Variants in TENM2 observed in about 807,000 individuals in gnomAD.
The protein encoded by TENM2 is teneurin-2.
Under a neutral mutation model 245.2 loss-of-function variants are expected in TENM2, and 52 were observed. The ratio of observed to expected loss-of-function variants is 0.21; its 90% CI spans 0.17 to 0.27. The LOEUF (loss-of-function observed/expected upper bound fraction) is 0.27. Ranked by LOEUF, TENM2 falls within the 10% of genes least tolerant of loss-of-function variation. TENM2 has a pLI of 1.00. For synonymous variants in TENM2, 1,363 were observed against 1,438.9 expected (o/e 0.95, Z 1.19); for missense variants, 3,046 against 3,666.8 (o/e 0.83, Z 4.37).
intron 2 of TENM2, among the ~76,000 whole-genome samples, chr5:167,528,032 A>T (rs1771237925): frequency 6.6e-6 from 1 of 152,218 alleles, no homozygotes; most frequent in African/African-American, 2.4e-5. Context: ...CTTACAAGGT[A>T]TTCAGTATTT....
intron 1 of TENM2, among the ~76,000 whole-genome samples, chr5:167,305,803 A>T (rs2127743954): frequency 6.6e-6 from 1 of 152,342 alleles, no homozygotes; most frequent in Non-Finnish European, 1.5e-5. Flanking sequence ...CCCTGCATTG[A>T]GTACGTCATT....
chr5:167,759,408 A>G (rs746770372), intron 2 of TENM2, among the ~76,000 whole-genome samples: 5 of 152,126 alleles, frequency 3.3e-5, no homozygotes, highest in Non-Finnish European at 7.3e-5. Context: ...CATTCTGTAC[A>G]TGGAAACATT....
At chr5:168,120,018 A>G (rs2152338973) in intron 10 of TENM2, among the ~76,000 whole-genome samples, 1 of 152,304 alleles carries the variant, frequency 6.6e-6, no homozygotes, top group South Asian at 2.1e-4. Flanking sequence ...ATAACCAATC[A>G]TCACAGCTCT....
chr5:167,087,698 G>C, the TENM2 span, among the ~76,000 whole-genome samples: 1 of 152,132 alleles, frequency 6.6e-6, no homozygotes, highest in South Asian at 2.1e-4. Context: ...AGGAGTTCAT[G>C]AGGATATCTT....
chr5:167,260,050 C>T, the TENM2 span, among the ~76,000 whole-genome samples: 6 of 152,112 alleles, frequency 3.9e-5, no homozygotes, highest in Non-Finnish European at 8.8e-5. Context: ...CTTGTAAACA[C>T]TTTATACAAA....
intron 2 of TENM2, among the ~76,000 whole-genome samples, chr5:167,797,932 G>A (rs1056677919): frequency 2.6e-5 from 4 of 152,210 alleles, no homozygotes; most frequent in Non-Finnish European, 4.4e-5. Flanking sequence ...AGAGTTGCAT[G>A]TGCTTGAATT....
chr5:167,625,060 T>C (rs1478701556), intron 2 of TENM2, among the ~76,000 whole-genome samples: 2 of 152,122 alleles, frequency 1.3e-5, no homozygotes, highest in Non-Finnish European at 2.9e-5. Flanking sequence ...ATCACTTCCT[T>C]AAATCATGGC....
intron 1 of TENM2, among the ~76,000 whole-genome samples, chr5:167,302,009 A>G (rs955964875): frequency 2.6e-5 from 4 of 152,096 alleles, no homozygotes; most frequent in African/African-American, 9.7e-5. Flanking sequence ...AATATTAGAA[A>G]GACTCACGAC....
the TENM2 span, among the ~76,000 whole-genome samples, chr5:167,220,829 ATT>A: frequency 2.3e-4 from 34 of 147,036 alleles, no homozygotes; most frequent in African/African-American, 6.2e-4. Flanking sequence ...TATCATACAC[ATT>A]TTTTTTTTTT....
chr5:167,511,717 G>A (rs1029007934), intron 2 of TENM2, among the ~76,000 whole-genome samples: 9 of 152,266 alleles, frequency 5.9e-5, no homozygotes, highest in South Asian at 2.1e-4. Flanking sequence ...GCAAGAACAA[G>A]CCTAAGCTAA....
chr5:167,353,500 G>GTTTTTTTTTTTTTTTTTTTTT (rs59240930), intron 1 of TENM2, among the ~76,000 whole-genome samples: 3 of 79,440 alleles, frequency 3.8e-5, no homozygotes, highest in Non-Finnish European at 6.4e-5. Flanking sequence ...TGTTGTTGTT[G>GTTTTTTTTTTTTTTTTTTTTT]TTTTTTTTTT....
intron 13 of TENM2, among the ~76,000 whole-genome samples, chr5:168,182,286 G>A (rs1759976496): frequency 6.6e-6 from 1 of 152,066 alleles, no homozygotes; most frequent in Non-Finnish European, 1.5e-5. Flanking sequence ...GCAGGCGTAG[G>A]GTAAAATGCA....
At chr5:168,072,268 G>A (rs1252588197) in intron 7 of TENM2, among the ~76,000 whole-genome samples, 1 of 152,146 alleles carries the variant, frequency 6.6e-6, no homozygotes, top group African/African-American at 2.4e-5. Context: ...CAGCCTTTGT[G>A]CACCTTGGAA....
intron 2 of TENM2, among the ~76,000 whole-genome samples, chr5:167,778,334 T>C (rs998853665): frequency 2.4e-4 from 36 of 152,206 alleles, no homozygotes; most frequent in Admixed American, 2.3e-3. Flanking sequence ...TAGGAACTAA[T>C]ATGAAGACCT....
At chr5:167,651,469 A>G (rs1003794977) in intron 2 of TENM2, among the ~76,000 whole-genome samples, 14 of 151,570 alleles carry the variant, frequency 9.2e-5, no homozygotes, top group African/African-American at 2.9e-4. Flanking sequence ...CAAAATGAGG[A>G]TGTTCTTTTG....
rs372981451 is a variant in TENM2, at chr5:168,063,721, C to T, written c.1515+1456C>T. ...ATGACAGCACTTTTCCTTACTGAGC[C>T]CAGTGCACACATACCTCCCATATAA... On this transcript the variant is annotated intron_variant, in intron 7 of 28. Coordinates refer to ENST00000518659, the Ensembl canonical transcript of TENM2. Among the ~76,000 whole-genome samples, 6 of 152,248 alleles carry T rather than the reference C, an allele frequency of 3.9e-5. No individual in the cohort carries two copies. The East Asian group carries it at 1.2e-3, about 29-fold the overall frequency.
the TENM2 span, among the ~76,000 whole-genome samples, chr5:167,209,268 ATT>A: frequency 6.8e-6 from 1 of 146,570 alleles, no homozygotes; most frequent in Non-Finnish European, 1.5e-5. Context: ...ATTTTTAGTA[ATT>A]TTTTTTTTTT....
intron 20 of TENM2, among the ~76,000 whole-genome samples, chr5:168,213,202 A>G (rs1762917301): frequency 6.6e-6 from 1 of 152,226 alleles, no homozygotes; most frequent in African/African-American, 2.4e-5. Flanking sequence ...AAGGAAAGGA[A>G]TGAAACCAGG....
intron 2 of TENM2, among the ~76,000 whole-genome samples, chr5:167,571,613 C>T (rs1774268128): frequency 6.6e-6 from 1 of 152,094 alleles, no homozygotes; most frequent in African/African-American, 2.4e-5. Context: ...AAATAAACAA[C>T]AGCACTGATA....
Sources: allele counts gnomAD v4.1 joint callset (sites outside exome capture counted in the v4.1 genomes callset), GRCh38; gene constraint gnomAD v4.1.1; transcripts MANE v1.5; gene names NCBI Gene and HGNC (gene_info 2026-07-23, HGNC 2026-07-21).